Variants in MSRA observed in about 807,000 individuals in gnomAD.
MSRA encodes mitochondrial peptide methionine sulfoxide reductase.
MSRA carries 54 observed loss-of-function variants against 31.3 expected under a neutral mutation model. That is an observed-to-expected ratio of 1.73 (90% confidence interval 1.39 to 2.17). MSRA has a LOEUF of 2.17. MSRA is among the 30% of genes most tolerant of loss of function. The pLI is 0.00. For missense variants in MSRA, 507 were observed against 300.9 expected, an observed-to-expected ratio of 1.69 and a Z score of -5.07; for synonymous variants, 169 against 116.5, an observed-to-expected ratio of 1.45 and a Z score of -2.90.
chr8:10,325,826 G>A (rs571516805), intron 5 of MSRA, among the ~76,000 whole-genome samples: 2 of 152,282 alleles, frequency 1.3e-5, no homozygotes, highest in South Asian at 2.1e-4. Context: ...GGTGACCCCC[G>A]GACTGGGCTT....
Position 10,054,639 on chromosome 8 carries a change from G to A in MSRA, c.123G>A (p.Lys41=). ...CCCAGGAGGCCTTGCCGGGCCGGAAGGAACAGACCCCTGTAGCGGGTAAGC... is the reference window on the plus strand; with the variant it reads ...CCCAGGAGGCCTTGCCGGGCCGGAAAGAACAGACCCCTGTAGCGGGTAAGC... ...VSPQEALPGR[K]EQTPVAAKHH... The change falls in exon 1 of 6, where the codon AAG becomes AAA. Residue 41 remains lysine, a synonymous_variant. Transcript: ENST00000317173. 3.2e-6 allele frequency: 5 copies of A among 1,571,582 alleles called. No homozygotes were observed. The highest frequency in any genetic ancestry group is 1.1e-5 in the South Asian group (1 of 87,218).
intron 1 of MSRA, among the ~76,000 whole-genome samples, chr8:10,105,628 T>C (rs1417117253): frequency 2.0e-5 from 3 of 152,228 alleles, no homozygotes; most frequent in Non-Finnish European, 1.5e-5. Flanking sequence ...TCTGTTGATC[T>C]GATTATAGTG....
At chr8:10,302,308 C>G (rs13269741) in intron 4 of MSRA, among the ~76,000 whole-genome samples, 1 of 152,120 alleles carries the variant, frequency 6.6e-6, no homozygotes, top group Non-Finnish European at 1.5e-5. Flanking sequence ...ATTTCAAGAT[C>G]GCATCCCAGC....
chr8:10,170,040 ATATTTTT>A (rs1244120177), intron 1 of MSRA, among the ~76,000 whole-genome samples: 4 of 100,720 alleles, frequency 4.0e-5, no homozygotes, highest in African/African-American at 2.1e-4. Context: ...CGCCTGGCTA[ATATTTTT>A]TTTTTTTTTT....
intron 5 of MSRA, among the ~76,000 whole-genome samples, chr8:10,402,349 C>G (rs1319069170): frequency 6.6e-6 from 1 of 152,244 alleles, no homozygotes; most frequent in Non-Finnish European, 1.5e-5. Context: ...AGAACCGTGA[C>G]AGGCCTCTGA....
intron 2 of MSRA, among the ~76,000 whole-genome samples, chr8:10,210,135 C>G (rs1405249333): frequency 6.6e-6 from 1 of 152,144 alleles, no homozygotes; most frequent in East Asian, 1.9e-4. Flanking sequence ...ATGGAAAGGT[C>G]AACTCAGCAC....
chr8:10,337,980 G>C (rs1286548281), intron 5 of MSRA, among the ~76,000 whole-genome samples: 1 of 152,250 alleles, frequency 6.6e-6, no homozygotes, highest in East Asian at 1.9e-4. Flanking sequence ...GAAAGCAGGG[G>C]TTAGGGGAGT....
chr8:10,404,558 GA>G (rs1275962252), intron 5 of MSRA, among the ~76,000 whole-genome samples: 1 of 152,212 alleles, frequency 6.6e-6, no homozygotes, highest in Non-Finnish European at 1.5e-5. Context: ...CCTCACCTAC[GA>G]TCTGCCGTCA....
At chr8:10,312,082 G>A (rs1222330544) in intron 4 of MSRA, among the ~76,000 whole-genome samples, 1 of 152,140 alleles carries the variant, frequency 6.6e-6, no homozygotes, top group East Asian at 1.9e-4. Context: ...TATATTAGAA[G>A]AGAAAAGAAG....
At chr8:10,348,318 C>G (rs2129156154) in intron 5 of MSRA, among the ~76,000 whole-genome samples, 1 of 148,140 alleles carries the variant, frequency 6.8e-6, no homozygotes, top group South Asian at 2.1e-4. Flanking sequence ...GCAGCATGGC[C>G]AAATGCCTAT....
chr8:10,390,764 G>A (rs756873130), intron 5 of MSRA, among the ~76,000 whole-genome samples: 3 of 152,080 alleles, frequency 2.0e-5, no homozygotes, highest in South Asian at 2.1e-4. Flanking sequence ...AGACATTAAG[G>A]ATGTTAAACT....
rs368763297 is a variant in MSRA, at chr8:10,062,101, C to T, written c.142+7443C>T. Among the ~76,000 whole-genome samples, 8 of 152,250 alleles carry T rather than the reference C, an allele frequency of 5.3e-5. No homozygotes were observed. In the South Asian group the frequency reaches 8.3e-4, roughly 16 times the overall value. ...CATGGGTCTTATGAGGGTGAGTGGC[C>T]GCCAGGCCCTCAGCAAGGACCAGAG... On this transcript the variant is annotated intron_variant, in intron 1 of 5. Transcript: ENST00000317173.
intron 5 of MSRA, among the ~76,000 whole-genome samples, chr8:10,350,911 AG>A (rs1804090642): frequency 6.6e-6 from 1 of 152,256 alleles, no homozygotes; most frequent in Non-Finnish European, 1.5e-5. Context: ...AGGCCGCCAG[AG>A]GGCTTCCTAC....
At chr8:10,387,775 C>A (rs890251279) in intron 5 of MSRA, among the ~76,000 whole-genome samples, 7 of 152,180 alleles carry the variant, frequency 4.6e-5, no homozygotes, top group African/African-American at 1.7e-4. Context: ...CCTAGTTATT[C>A]AGTGAGATTC....
chr8:10,172,157 T>C (rs937766664), intron 1 of MSRA, among the ~76,000 whole-genome samples: 2 of 152,024 alleles, frequency 1.3e-5, no homozygotes, highest in African/African-American at 4.8e-5. Context: ...CATGCCAATG[T>C]GTGGAAAGGG....
intron 3 of MSRA, among the ~76,000 whole-genome samples, chr8:10,280,067 AAGTT>A (rs1447039150): frequency 6.6e-6 from 1 of 152,138 alleles, no homozygotes; most frequent in African/African-American, 2.4e-5. Flanking sequence ...CAACTTTGGG[AAGTT>A]ATATTTTTCT....
At chr8:10,316,925 C>T (rs1801761268) in intron 4 of MSRA, among the ~76,000 whole-genome samples, 1 of 152,280 alleles carries the variant, frequency 6.6e-6, no homozygotes, top group East Asian at 1.9e-4. Flanking sequence ...CGAAGCAGCA[C>T]CTGGGTGAGC....
intron 1 of MSRA, among the ~76,000 whole-genome samples, chr8:10,145,225 T>C (rs1415825153): frequency 1.3e-5 from 2 of 152,216 alleles, no homozygotes; most frequent in Non-Finnish European, 2.9e-5. Flanking sequence ...GCACCTGTTC[T>C]ATGTGGGGAT....
chr8:10,270,275 T>C (rs1798960054), intron 3 of MSRA, among the ~76,000 whole-genome samples: 1 of 152,200 alleles, frequency 6.6e-6, no homozygotes, highest in Non-Finnish European at 1.5e-5. Flanking sequence ...TAGCTATTTC[T>C]GTTTCAAGTT....
Sources: gnomAD v4.1 joint callset for allele counts (sites outside exome capture counted in the v4.1 genomes callset) on GRCh38, gnomAD v4.1.1 for gene constraint, MANE v1.5 for transcripts, NCBI Gene and HGNC (gene_info 2026-07-23, HGNC 2026-07-21) for gene names.